WDR49: variants seen among roughly 807,000 people sequenced by gnomAD.
WDR49 encodes the protein WD repeat domain 49.
A neutral mutation model predicts 119.5 loss-of-function variants in WDR49; 107 were observed. The ratio of observed to expected loss-of-function variants is 0.90; its 90% CI spans 0.77 to 1.05. The LOEUF (loss-of-function observed/expected upper bound fraction) is 1.05. Ranked by LOEUF, WDR49 falls within the 50% of genes least tolerant of loss-of-function variation. The pLI, the probability that WDR49 is intolerant of heterozygous loss-of-function variation, is 0.00. For missense variants in WDR49, 1,240 were observed against 1,220.5 expected, an observed-to-expected ratio of 1.02 and a Z score of -0.24; for synonymous variants, 425 against 418.8, an observed-to-expected ratio of 1.01 and a Z score of -0.18.
At chr3:167,602,085 G>A in intron 7 of WDR49, 42 bp downstream of exon 7, 3 of 1,538,656 alleles carry the variant, frequency 1.9e-6, no homozygotes, top group Middle Eastern at 1.7e-4. Flanking sequence ...GTAGGAATCG[G>A]GGAAGCAAAA....
rs1333207875 is a variant in WDR49 at position 167,555,888 on chromosome 3, A to T, written c.1675-1090T>A. Among the ~76,000 whole-genome samples the T allele has an allele frequency of 3.3e-5, 5 of 152,304 alleles. No homozygotes were observed. The East Asian group carries it at 9.7e-4, about 29-fold the overall frequency. On this transcript the variant is annotated intron_variant, in intron 9 of 18. Coordinates refer to ENST00000682715, the MANE Select transcript of WDR49 (RefSeq NM_001366157.1). ...GTGTACTTATACAAACCTAAATGATACAGTCTACTACACACCTAGACTATA... is the reference window on the plus strand; with the variant it reads ...GTGTACTTATACAAACCTAAATGATTCAGTCTACTACACACCTAGACTATA...
At chr3:167,536,173 T>TAA (rs1343240449) in intron 11 of WDR49, among the ~76,000 whole-genome samples, 1 of 152,074 alleles carries the variant, frequency 6.6e-6, no homozygotes, top group African/African-American at 2.4e-5. Context: ...GTAGGATGAC[T>TAA]AGAGTTAACA....
At chr3:167,635,033 T>A (rs1186161860) in intron 2 of WDR49, among the ~76,000 whole-genome samples, 1 of 151,748 alleles carries the variant, frequency 6.6e-6, no homozygotes, top group Non-Finnish European at 1.5e-5. Context: ...CTGCACAATA[T>A]TTTATAGAGA....
At chr3:167,518,328 G>T (rs1209708032) in intron 16 of WDR49, among the ~76,000 whole-genome samples, 1 of 151,802 alleles carries the variant, frequency 6.6e-6, no homozygotes, top group Non-Finnish European at 1.5e-5. Flanking sequence ...CACAATGGTT[G>T]AACTAGTTTA....
chr3:167,620,862 C>G (rs1250257436), intron 4 of WDR49, among the ~76,000 whole-genome samples: 1 of 152,090 alleles, frequency 6.6e-6, no homozygotes, highest in Non-Finnish European at 1.5e-5. Context: ...TTCACAATTA[C>G]AAAAGGAAAT....
At chr3:167,528,203 T>C (rs1440570959) in intron 14 of WDR49, among the ~76,000 whole-genome samples, 186 bp from the exon 15 acceptor site, 2 of 151,952 alleles carry the variant, frequency 1.3e-5, no homozygotes, top group African/African-American at 4.8e-5. Context: ...GTTTCTAACT[T>C]ATCTGATTAC....
chr3:167,621,110 T>G (rs1486094118), intron 4 of WDR49, among the ~76,000 whole-genome samples: 2 of 152,094 alleles, frequency 1.3e-5, no homozygotes, highest in Non-Finnish European at 2.9e-5. Flanking sequence ...AACAATAAAT[T>G]TGAAAGCATT....
In WDR49 at chr3:167,578,307, G is replaced by T. The variant is rs1393279347; in HGVS notation, c.1276-2156C>A. ...TGCGTCCATTGTATAAAGTCAAATA[G>T]CACCAGAGGGCTTTTATCTCAAGCC... On this transcript the variant is annotated intron_variant, in intron 7 of 18. Coordinates refer to ENST00000682715, the MANE Select transcript of WDR49 (RefSeq NM_001366157.1). 2.0e-5 allele frequency among the ~76,000 whole-genome samples: 3 copies of T among 152,078 alleles called. No homozygotes were observed. In the East Asian group the frequency reaches 5.8e-4, roughly 29 times the overall value.
At chr3:167,522,241 G>T in intron 16 of WDR49, 74 bp downstream of exon 16, 1 of 1,415,204 alleles carries the variant, frequency 7.1e-7, no homozygotes. Flanking sequence ...AGGACACAAG[G>T]AAATTTGGAC....
Position 167,532,977 on chromosome 3 carries a change from C to T in WDR49, c.1955G>A (p.Gly652Glu), listed in dbSNP as rs1752902189. 1 of 1,587,948 alleles carries T rather than the reference C, an allele frequency of 6.3e-7. No homozygotes were observed. The highest frequency in any genetic ancestry group is 1.1e-5 in the South Asian group (1 of 88,140). The change falls in exon 12 of 19, where the codon GGG becomes GAG. Residue 652 changes from glycine (G) to glutamate (E), a missense_variant and splice_region_variant. Gly to Glu is a moderately conservative substitution (Grantham distance 98). Coordinates refer to ENST00000682715, the MANE Select transcript of WDR49 (RefSeq NM_001366157.1). ...AFLPPQTLVTGSYDGEIVLWN... is the reference protein window; with the variant it reads ...AFLPPQTLVTESYDGEIVLWN... ...TAGAACAATTTCTCCATCATAACTCCCTACACAAGACAGGATGGAGAATAT... is the reference window on the plus strand; with the variant it reads ...TAGAACAATTTCTCCATCATAACTCTCTACACAAGACAGGATGGAGAATAT...
intron 18 of WDR49, among the ~76,000 whole-genome samples, chr3:167,491,528 A>G (rs918378909): frequency 6.6e-6 from 1 of 152,108 alleles, no homozygotes; most frequent in African/African-American, 2.4e-5. Flanking sequence ...CTGTTTAATG[A>G]ACTTTCTCCG....
intron 8 of WDR49, among the ~76,000 whole-genome samples, chr3:167,571,024 C>CAA (rs202109133): frequency 8.3e-5 from 7 of 84,370 alleles, no homozygotes; most frequent in Admixed American, 1.4e-4. Context: ...GACTCCATCT[C>CAA]AAAAAAAAAA....
At chr3:167,496,832 G>A (rs757229310) in intron 18 of WDR49, among the ~76,000 whole-genome samples, 1 of 152,098 alleles carries the variant, frequency 6.6e-6, no homozygotes, top group Non-Finnish European at 1.5e-5. Context: ...ATCTGCTTCA[G>A]TCCTCCAGAA....
intron 10 of WDR49, among the ~76,000 whole-genome samples, chr3:167,550,864 T>C (rs1712517933): frequency 6.6e-6 from 1 of 151,638 alleles, no homozygotes; most frequent in South Asian, 2.1e-4. Flanking sequence ...CTTAATTTAT[T>C]TAATTTTACT....
At chr3:167,627,931 T>C (rs1717207073) in intron 2 of WDR49, among the ~76,000 whole-genome samples, 1 of 152,096 alleles carries the variant, frequency 6.6e-6, no homozygotes, top group African/African-American at 2.4e-5. Context: ...GCATCCCTAC[T>C]TCGTATCCCT....
At chr3:167,506,253 T>C (rs1338057139) in intron 16 of WDR49, among the ~76,000 whole-genome samples, 1 of 152,134 alleles carries the variant, frequency 6.6e-6, no homozygotes, top group Non-Finnish European at 1.5e-5. Context: ...TTTGTAGCTA[T>C]AAGACTCTGA....
chr3:167,632,309 T>C (rs986419673), intron 2 of WDR49, among the ~76,000 whole-genome samples: 85 of 152,078 alleles, frequency 5.6e-4, no homozygotes, highest in African/African-American at 2.1e-3. Flanking sequence ...AGAAACAAAT[T>C]GTAAATGACA....
intron 2 of WDR49, among the ~76,000 whole-genome samples, chr3:167,649,463 G>GA (rs1718273360): frequency 6.6e-6 from 1 of 152,112 alleles, no homozygotes; most frequent in African/African-American, 2.4e-5. Context: ...AAATCCCCAA[G>GA]ATACTGTTGA....
chr3:167,602,901 C>T (rs560144183), intron 6 of WDR49, among the ~76,000 whole-genome samples: 2 of 152,176 alleles, frequency 1.3e-5, no homozygotes, highest in African/African-American at 4.8e-5. Flanking sequence ...TAGTAAGTCT[C>T]ATGCTATAGA....
Sources: allele counts gnomAD v4.1 joint callset (sites outside exome capture counted in the v4.1 genomes callset), GRCh38; gene constraint gnomAD v4.1.1; transcripts MANE v1.5; gene names NCBI Gene and HGNC (gene_info 2026-07-23, HGNC 2026-07-21).